The following GALNT17 variants were observed in gnomAD, a reference collection of about 807,000 sequenced individuals.
GALNT17 encodes UDP-GalNAc:polypeptide N-acetylgalactosaminyltransferase-like 3.
In GALNT17, 29 loss-of-function variants were observed where a neutral mutation model predicts 63.7. The observed-to-expected ratio is 0.46, with a 90% confidence interval of 0.34 to 0.62. GALNT17 has a LOEUF of 0.62. GALNT17 is among the 20% of genes least tolerant of loss of function. The probability of loss-of-function intolerance (pLI) is 0.01; values close to 1 mark genes in which losing one functional copy is unlikely to be tolerated. For synonymous variants in GALNT17, 305 were observed against 318.3 expected (o/e 0.96, Z 0.45); for missense variants, 603 against 799.6 (o/e 0.75, Z 2.97).
intron 6 of GALNT17, among the ~76,000 whole-genome samples, chr7:71,589,328 A>G (rs1789764580): frequency 6.6e-6 from 1 of 152,136 alleles, no homozygotes; most frequent in Non-Finnish European, 1.5e-5. Flanking sequence ...CTGTAATCTC[A>G]GTGCTTTGAG....
chr7:71,670,059 C>G lies in GALNT17; in HGVS notation c.1354C>G (p.His452Asp). 1 of 1,614,084 alleles carries G rather than the reference C, an allele frequency of 6.2e-7. No individual in the cohort carries two copies. Among genetic ancestry groups the G allele is most frequent in the Non-Finnish European group, 8.5e-7 (1 of 1,180,008 alleles). Residue 452 changes from histidine (H) to aspartate (D), a missense_variant, in exon 8 of 11, where the codon CAT becomes GAT. Transcript: ENST00000333538. ...KCKNFQWYLD[H>D]VYPEMRRYNN... Reference sequence around the variant, plus strand: ...TAAGAATTTCCAGTGGTACCTGGACCATGTTTACCCAGAAATGAGAAGATA... The same window carrying G: ...TAAGAATTTCCAGTGGTACCTGGACGATGTTTACCCAGAAATGAGAAGATA...
chr7:71,422,277 C>G (rs1451107128), intron 5 of GALNT17, among the ~76,000 whole-genome samples: 4 of 152,102 alleles, frequency 2.6e-5, no homozygotes, highest in Non-Finnish European at 5.9e-5. Flanking sequence ...TCTCTGGCAC[C>G]CTTCATCACG....
chr7:71,218,337 C>A (rs549865089), intron 1 of GALNT17, among the ~76,000 whole-genome samples: 1 of 152,134 alleles, frequency 6.6e-6, no homozygotes, highest in Admixed American at 6.6e-5. Flanking sequence ...GTTTCATCTT[C>A]TGTTGTGTTT....
At chr7:71,232,913 G>A (rs371826014) in intron 1 of GALNT17, among the ~76,000 whole-genome samples, 8 of 152,024 alleles carry the variant, frequency 5.3e-5, no homozygotes, top group African/African-American at 7.2e-5. Flanking sequence ...TACCAATCTC[G>A]TCCAAAGTCC....
intron 1 of GALNT17, among the ~76,000 whole-genome samples, chr7:71,222,525 CAAGCAATT>C (rs2116423865): frequency 6.6e-6 from 1 of 152,158 alleles, no homozygotes; most frequent in East Asian, 1.9e-4. Flanking sequence ...CTCCTGATCT[CAAGCAATT>C]AACCCGCCTC....
At chr7:71,458,146 T>G (rs1787387419) in intron 5 of GALNT17, among the ~76,000 whole-genome samples, 1 of 152,180 alleles carries the variant, frequency 6.6e-6, no homozygotes, top group Non-Finnish European at 1.5e-5. Context: ...CCAGTCCTTT[T>G]CCAGCATTCA....
chr7:71,416,063 G>A lies in GALNT17; in HGVS notation c.764G>A (p.Trp255Ter). 6.2e-7 allele frequency: 1 copy of A among 1,608,454 alleles called. No individual in the cohort carries two copies. Among genetic ancestry groups the A allele is most frequent in the Non-Finnish European group, 8.5e-7 (1 of 1,177,586 alleles). Residue 255 changes from tryptophan (W) to a stop codon, truncating the protein, a stop_gained and splice_region_variant, in exon 4 of 11, where the codon TGG (tryptophan) becomes TAG (stop). Coordinates refer to ENST00000333538, the MANE Select transcript of GALNT17 (RefSeq NM_022479.3). LOFTEE classifies it high-confidence loss of function. ...FDAHVEFTAG[W>*]AEPVLSRIQE... is the part of the protein sequence containing the mutation. ...GCCCACGTGGAATTCACCGCTGGCT[G>A]GTAGGTCATGAGCTGAAACTCAGGG... is the stretch of plus-strand genomic sequence containing the variant.
intron 1 of GALNT17, among the ~76,000 whole-genome samples, chr7:71,250,385 G>C (rs2116488228): frequency 6.6e-6 from 1 of 152,162 alleles, no homozygotes; most frequent in African/African-American, 2.4e-5. Flanking sequence ...GTATTTCCAG[G>C]GGATTTAGGT....
At chr7:71,164,188 T>A (rs769987296) in intron 1 of GALNT17, among the ~76,000 whole-genome samples, 1 of 152,206 alleles carries the variant, frequency 6.6e-6, no homozygotes, top group Non-Finnish European at 1.5e-5. Flanking sequence ...TTCACACTGC[T>A]ATAAAGATAC....
intron 1 of GALNT17, among the ~76,000 whole-genome samples, chr7:71,200,282 A>G (rs1789142505): frequency 6.6e-6 from 1 of 152,136 alleles, no homozygotes; most frequent in African/African-American, 2.4e-5. Context: ...ATGTTTGTAG[A>G]TGGTGTGTTT....
At position 71,670,108 on chromosome 7, in the gene GALNT17, A is replaced by T. The variant is rs1223266287; in HGVS notation, c.1403A>T (p.Glu468Val). The T allele has an allele frequency of 6.2e-7, 1 of 1,613,986 alleles. No homozygotes were observed. Among genetic ancestry groups the T allele is most frequent in the Non-Finnish European group, 8.5e-7 (1 of 1,179,924 alleles). ...RRYNNTVAYG[E>V]LRNNKAKDVC... is the part of the protein sequence containing the mutation. Reference sequence around the variant, plus strand: ...TACAATAATACCGTTGCTTACGGGGAGGTAATTCAGACCGTGCATGCTTTT... The same window carrying T: ...TACAATAATACCGTTGCTTACGGGGTGGTAATTCAGACCGTGCATGCTTTT... Residue 468 changes from glutamate (E) to valine (V), a missense_variant and splice_region_variant, in exon 8 of 11, where the codon GAG becomes GTG. Coordinates refer to ENST00000333538, the MANE Select transcript of GALNT17 (RefSeq NM_022479.3).
At chr7:71,680,874 C>CCTTTT (rs1491519117) in intron 9 of GALNT17, among the ~76,000 whole-genome samples, 12 of 146,112 alleles carry the variant, frequency 8.2e-5, no homozygotes, top group Non-Finnish European at 1.2e-4. Context: ...TTCCTTCCTT[C>CCTTTT]CTTCCTTTTC....
intron 1 of GALNT17, among the ~76,000 whole-genome samples, chr7:71,305,225 CAT>C (rs35499600): frequency 0.41 from 62,004 of 151,890 alleles, 13,057 homozygotes; most frequent in African/African-American, 0.47. Flanking sequence ...ACTTTGAGCA[CAT>C]GTTAATTTTG....
chr7:71,538,743 C>G (rs1788840058), intron 5 of GALNT17, among the ~76,000 whole-genome samples: 1 of 151,916 alleles, frequency 6.6e-6, no homozygotes, highest in East Asian at 1.9e-4. Context: ...GGAGCTGAGC[C>G]CTTGGAACTC....
chr7:71,694,650 C>T (rs888363267), intron 9 of GALNT17, among the ~76,000 whole-genome samples: 3 of 152,214 alleles, frequency 2.0e-5, no homozygotes, highest in African/African-American at 4.8e-5. Context: ...CCCGCCTCGG[C>T]CTCCTAAAGT....
At chr7:71,337,097 T>C (rs1003800433) in intron 2 of GALNT17, among the ~76,000 whole-genome samples, 6 of 152,178 alleles carry the variant, frequency 3.9e-5, no homozygotes, top group Non-Finnish European at 8.8e-5. Flanking sequence ...ATCACCATGA[T>C]CTCATCCCTT....
intron 1 of GALNT17, among the ~76,000 whole-genome samples, chr7:71,143,071 G>A (rs1014288034): frequency 6.6e-6 from 1 of 152,128 alleles, no homozygotes; most frequent in Non-Finnish European, 1.5e-5. Flanking sequence ...ATGCATGCAC[G>A]ATAGGTGCGA....
chr7:71,415,811 C>A, intron 3 of GALNT17, 78 bp from the exon 4 acceptor site: 1 of 1,423,232 alleles, frequency 7.0e-7, no homozygotes, highest in Non-Finnish European at 9.3e-7. Flanking sequence ...CCCTGAAGAT[C>A]TGTGGGCATT....
chr7:71,527,190 G>C (rs1366777793), intron 5 of GALNT17, among the ~76,000 whole-genome samples: 2 of 152,070 alleles, frequency 1.3e-5, no homozygotes. Flanking sequence ...CAGGATATAT[G>C]AAAACATCAC....
Sources: allele counts gnomAD v4.1 joint callset (sites outside exome capture counted in the v4.1 genomes callset), GRCh38; gene constraint gnomAD v4.1.1; transcripts MANE v1.5; gene names NCBI Gene and HGNC (gene_info 2026-07-23, HGNC 2026-07-21).